Variants in GARRE1 observed in about 807,000 individuals in gnomAD.
GARRE1 encodes granule associated Rac and RHOG effector protein 1.
GARRE1 carries 49 observed loss-of-function variants against 103.2 expected under a neutral mutation model. The observed-to-expected ratio is 0.47, with a 90% confidence interval of 0.38 to 0.60. The LOEUF is 0.60. Among genes scored for constraint, GARRE1 ranks in the 20% least tolerant of loss-of-function variants. GARRE1 has a pLI of 0.00. For synonymous variants in GARRE1, 505 were observed against 532.8 expected (o/e 0.95, Z 0.72); for missense variants, 1,199 against 1,370.5 (o/e 0.87, Z 1.98).
chr19:34,315,152 A>G (rs1165842595), intron 2 of GARRE1, among the ~76,000 whole-genome samples: 1 of 152,194 alleles, frequency 6.6e-6, no homozygotes, highest in Non-Finnish European at 1.5e-5. Context: ...CTCATTCTAA[A>G]GGGATATGAA....
Position 34,341,403 on chromosome 19 carries a change from C to T in GARRE1, c.1488-19C>T. The T allele has an allele frequency of 1.3e-6, 2 of 1,551,558 alleles. No homozygotes were observed. The highest frequency in any genetic ancestry group is 1.7e-6 in the Non-Finnish European group (2 of 1,144,284). On this transcript the variant is annotated intron_variant, in intron 9 of 13. Coordinates refer to ENST00000299505, the MANE Select transcript of GARRE1 (RefSeq NM_014686.5). ...TATATTTGTCTTTTTTTTTTTTAAA[C>T]AAATTTCTGTTTAAATAGGGAGCAA... is the stretch of plus-strand genomic sequence containing the variant.
At chr19:34,320,995 C>T (rs58227516) in intron 3 of GARRE1, among the ~76,000 whole-genome samples, 2 of 146,606 alleles carry the variant, frequency 1.4e-5, no homozygotes, top group African/African-American at 5.0e-5. Context: ...CCACCCACCT[C>T]TGCCTCCCAA....
intron 1 of GARRE1, among the ~76,000 whole-genome samples, chr19:34,275,168 GTT>G (rs35938669): frequency 2.2e-4 from 32 of 144,908 alleles, no homozygotes; most frequent in African/African-American, 7.8e-4. Context: ...CATTTTCTGT[GTT>G]TTTTTTTTTT....
intron 1 of GARRE1, among the ~76,000 whole-genome samples, chr19:34,290,830 C>T (rs1301367576): frequency 7.6e-6 from 1 of 131,762 alleles, no homozygotes; most frequent in African/African-American, 2.9e-5. Context: ...AAATTTGGAT[C>T]AAAACTCAAA....
At chr19:34,289,951 G>A (rs1200121132) in intron 1 of GARRE1, among the ~76,000 whole-genome samples, 7 of 152,048 alleles carry the variant, frequency 4.6e-5, no homozygotes, top group Non-Finnish European at 8.8e-5. Context: ...GGCCTTTTTG[G>A]CACTTAACAT....
In GARRE1 at chr19:34,341,918, C is replaced by T. The variant is rs146005283; in HGVS notation, c.1984C>T (p.His662Tyr). The T allele has an allele frequency of 3.7e-6, 6 of 1,614,068 alleles. No homozygotes were observed. The highest frequency in any genetic ancestry group is 1.3e-5 in the African/African-American group (1 of 74,920). The change falls in exon 10 of 14, where the codon CAT becomes TAT. Residue 662 changes from histidine (H) to tyrosine (Y), a missense_variant. His to Tyr is a moderately conservative substitution (Grantham distance 83). Transcript: ENST00000299505. Reference sequence around the variant, plus strand: ...CTCGGGCTTTAACATGGGCCAGTCACATCAGGGCTCTCCGTTGGTGACAAG... The same window carrying T: ...CTCGGGCTTTAACATGGGCCAGTCATATCAGGGCTCTCCGTTGGTGACAAG... ...FLSGFNMGQS[H>Y]QGSPLVTRHN...
chr19:34,284,396 A>G (rs553600953), intron 1 of GARRE1, among the ~76,000 whole-genome samples: 21 of 152,274 alleles, frequency 1.4e-4, no homozygotes, highest in Middle Eastern at 6.8e-3. Context: ...AAGTACTGGG[A>G]TTACAGGCAT....
chr19:34,321,027 A>AG (rs2074085502), intron 3 of GARRE1, among the ~76,000 whole-genome samples: 1 of 130,704 alleles, frequency 7.7e-6, no homozygotes, highest in African/African-American at 2.8e-5. Flanking sequence ...TACAGGCATT[A>AG]GCCACTGCAC....
chr19:34,352,706 C>T lies in GARRE1; in HGVS notation c.2964C>T (p.Pro988=), dbSNP rs2074245195. The T allele has an allele frequency of 1.9e-6, 3 of 1,613,962 alleles. No individual in the cohort carries two copies. Among genetic ancestry groups the T allele is most frequent in the Admixed American group, 3.3e-5 (2 of 59,996 alleles). ...CCTGGCAGCACCCTTCCCCGCTTCCCAGCACGCTGCCCAGCCCCAGCGCAC... is the reference window on the plus strand; with the variant it reads ...CCTGGCAGCACCCTTCCCCGCTTCCTAGCACGCTGCCCAGCCCCAGCGCAC... ...KAPWQHPSPL[P]STLPSPSAPL... The change falls in exon 14 of 14, where the codon CCC becomes CCT. Residue 988 remains proline (P), a synonymous_variant. Coordinates refer to ENST00000299505, the MANE Select transcript of GARRE1 (RefSeq NM_014686.5).
At chr19:34,333,362 T>A (rs1240819271) in intron 7 of GARRE1, among the ~76,000 whole-genome samples, 1 of 152,224 alleles carries the variant, frequency 6.6e-6, no homozygotes, top group East Asian at 1.9e-4. Flanking sequence ...TCAGTGACAC[T>A]TTTACTTCTT....
At chr19:34,259,846 C>T (rs888933722) in intron 1 of GARRE1, among the ~76,000 whole-genome samples, 2 of 152,134 alleles carry the variant, frequency 1.3e-5, no homozygotes, top group African/African-American at 2.4e-5. Context: ...AGCAGTTTCC[C>T]CCATGCTATG....
intron 10 of GARRE1, among the ~76,000 whole-genome samples, chr19:34,346,306 C>T (rs1032816752): frequency 1.3e-5 from 2 of 152,112 alleles, no homozygotes; most frequent in Non-Finnish European, 2.9e-5. Context: ...GTGCTTTTCT[C>T]CCATTTGTAC....
At chr19:34,321,923 G>C (rs2074090898) in intron 3 of GARRE1, among the ~76,000 whole-genome samples, 1 of 152,158 alleles carries the variant, frequency 6.6e-6, no homozygotes, top group Non-Finnish European at 1.5e-5. Context: ...GTATGGCATG[G>C]TCATCAGGGA....
chr19:34,302,057 C>G (rs1413266909), intron 2 of GARRE1, among the ~76,000 whole-genome samples: 1 of 122,562 alleles, frequency 8.2e-6, no homozygotes, highest in Non-Finnish European at 1.6e-5. Flanking sequence ...ATAGTGCAAT[C>G]TTGGCTCACT....
chr19:34,278,887 G>C (rs915410876), intron 1 of GARRE1, among the ~76,000 whole-genome samples: 1 of 152,062 alleles, frequency 6.6e-6, no homozygotes, highest in Non-Finnish European at 1.5e-5. Context: ...GCCCAGGCTA[G>C]TCTCAAACTG....
chr19:34,264,488 T>C (rs2073739312), intron 1 of GARRE1, among the ~76,000 whole-genome samples: 1 of 151,906 alleles, frequency 6.6e-6, no homozygotes, highest in Non-Finnish European at 1.5e-5. Context: ...AAGCTCTGCC[T>C]CCCCGGTTCA....
At chr19:34,259,658 T>TG (rs2073702489) in intron 1 of GARRE1, among the ~76,000 whole-genome samples, 2 of 150,754 alleles carry the variant, frequency 1.3e-5, no homozygotes, top group Non-Finnish European at 3.0e-5. Context: ...ATGAAGTTTT[T>TG]TTTGTTTGTT....
In GARRE1 at chr19:34,320,102, C is replaced by T. The variant is rs375428393; in HGVS notation, c.691C>T (p.Arg231Trp). 53 of 1,613,696 alleles carry T rather than the reference C, an allele frequency of 3.3e-5. No individual in the cohort carries two copies. Among genetic ancestry groups the T allele is most frequent in the African/African-American group, 1.3e-4 (10 of 74,914 alleles). ...AGTAGAGGAAGCTGTGCGGTCCTGG[C>T]GGGGGGCTGCTGAGGTAACCCTGGC... ...PEVEEAVRSWRGAAEATSRLR... is the reference protein window; with the variant it reads ...PEVEEAVRSWWGAAEATSRLR... Residue 231 changes from arginine to tryptophan, a missense_variant, in exon 3 of 14, where the codon CGG becomes TGG. Transcript: ENST00000299505.
intron 1 of GARRE1, among the ~76,000 whole-genome samples, chr19:34,277,833 A>G (rs1239108743): frequency 6.6e-6 from 1 of 151,812 alleles, no homozygotes; most frequent in South Asian, 2.1e-4. Context: ...TTGATTAAGC[A>G]CTTTCCTAAA....
Sources: gnomAD v4.1 joint callset for allele counts (sites outside exome capture counted in the v4.1 genomes callset) on GRCh38, gnomAD v4.1.1 for gene constraint, MANE v1.5 for transcripts, NCBI Gene and HGNC (gene_info 2026-07-23, HGNC 2026-07-21) for gene names.